Variants in ZNF37A observed in about 807,000 individuals in gnomAD.
ZNF37A encodes the protein zinc finger protein 37A, also known as zinc finger protein 37a (KOX 21).
ZNF37A carries 10 observed loss-of-function variants against 12.3 expected under a neutral mutation model. That is an observed-to-expected ratio of 0.82 (90% CI 0.50 to 1.38). The LOEUF is 1.38. ZNF37A is among the 40% of genes most tolerant of loss of function. ZNF37A has a pLI of 0.00. For missense variants in ZNF37A, 580 were observed against 651.2 expected, an observed-to-expected ratio of 0.89 and a Z score of 1.19; for synonymous variants, 207 against 223.0, an observed-to-expected ratio of 0.93 and a Z score of 0.64.
rs2069795016 is a variant in ZNF37A at position 38,122,925 on chromosome 10, A to G, written c.*4088A>G. Reference sequence around the variant, plus strand: ...TAATATTTGCAAACTATCCATCTGTATTAGGCCATTTTTGAAGTACTACAA... The same window carrying G: ...TAATATTTGCAAACTATCCATCTGTGTTAGGCCATTTTTGAAGTACTACAA... On this transcript the variant is annotated 3_prime_UTR_variant, in exon 8 of 8. Coordinates refer to ENST00000685332, the MANE Select transcript of ZNF37A (RefSeq NM_001324250.3). 6.6e-6 allele frequency: 1 copy of G among 152,224 alleles called. No individual in the cohort carries two copies. The highest frequency in any genetic ancestry group is 2.4e-5 in the African/African-American group (1 of 41,462). 9.4% of individuals were successfully genotyped at this position (152,224 alleles called of 1,614,324 possible). A position where few individuals can be genotyped will look rare whatever the true frequency, so the allele number is the denominator to read the frequency against.
Position 38,114,876 on chromosome 10 carries a change from C to A in ZNF37A, c.137C>A (p.Ser46Ter). ...VMLENYSHLV[S>*]VGYCIPKPEV... ...CTGGAGAACTACAGCCACCTTGTCT[C>A]AGTAGGTAGGTAGGAATTGTTTCCC... is the stretch of plus-strand genomic sequence containing the variant. Residue 46 changes from serine to a stop codon, truncating the protein, a stop_gained, in exon 6 of 8, where the codon TCA becomes TAA. Transcript: ENST00000685332. LOFTEE classifies it high-confidence loss of function. The A allele has an allele frequency of 6.2e-7, 1 of 1,610,678 alleles. No homozygotes were observed. The highest frequency in any genetic ancestry group is 8.5e-7 in the Non-Finnish European group (1 of 1,178,726).
intron 5 of ZNF37A, among the ~76,000 whole-genome samples, chr10:38,111,340 G>T (rs561806264): frequency 1.6e-4 from 25 of 152,136 alleles, no homozygotes; most frequent in African/African-American, 6.0e-4. Flanking sequence ...CAGGGGGTTG[G>T]GGGCTAGGGG....
At chr10:38,105,623 G>A (rs1397952219) in intron 5 of ZNF37A, among the ~76,000 whole-genome samples, 1 of 152,102 alleles carries the variant, frequency 6.6e-6, no homozygotes, top group South Asian at 2.1e-4. Flanking sequence ...ATTCATGAAG[G>A]CAGAGCTTCC....
At chr10:38,127,450 T>C (rs2069944362), downstream of ZNF37A, among the ~76,000 whole-genome samples, 1 of 152,200 alleles carries the variant, frequency 6.6e-6, no homozygotes, top group Admixed American at 6.5e-5. Context: ...ATGTATATAA[T>C]GTGTGTGATA....
chr10:38,106,204 G>A (rs553010807), intron 5 of ZNF37A, among the ~76,000 whole-genome samples: 10 of 151,408 alleles, frequency 6.6e-5, no homozygotes, highest in Non-Finnish European at 1.3e-4. Flanking sequence ...AGGCAAACAG[G>A]GTCTGGAGTG....
At chr10:38,114,720 A>G (rs752983437) in intron 5 of ZNF37A, 35 bp from the exon 6 acceptor site, 22 of 1,613,742 alleles carry the variant, frequency 1.4e-5, no homozygotes, top group Non-Finnish European at 1.8e-5. Context: ...ACTGATTCTT[A>G]TCACTTCAGA....
intron 7 of ZNF37A, among the ~76,000 whole-genome samples, chr10:38,132,771 C>T (rs2070047869): frequency 6.6e-6 from 1 of 151,452 alleles, no homozygotes; most frequent in African/African-American, 2.4e-5. Flanking sequence ...CCCATGGTAA[C>T]TCAATGTGCA....
intron 7 of ZNF37A, chr10:38,142,470 GA>G (rs1175886426): frequency 1.3e-5 from 2 of 152,036 alleles, no homozygotes; most frequent in Non-Finnish European, 2.9e-5. Flanking sequence ...TGTGAAAATA[GA>G]ACTTCTCATT....
chr10:38,103,878 T>G (rs901400154), intron 5 of ZNF37A, among the ~76,000 whole-genome samples: 3 of 152,242 alleles, frequency 2.0e-5, no homozygotes, highest in African/African-American at 7.2e-5. Context: ...TCTTCTGGTC[T>G]GTGCATATTG....
chr10:38,130,358 A>G (rs1026278830), downstream of ZNF37A, among the ~76,000 whole-genome samples: 5 of 152,150 alleles, frequency 3.3e-5, no homozygotes, highest in African/African-American at 1.2e-4. Flanking sequence ...ATGTCTGTTC[A>G]GATCTCTATT....
chr10:38,109,255 G>A (rs188733730), intron 5 of ZNF37A, among the ~76,000 whole-genome samples: 1 of 152,280 alleles, frequency 6.6e-6, no homozygotes, highest in Admixed American at 6.5e-5. Flanking sequence ...TATCTCAGTA[G>A]GTGCAGAAAA....
chr10:38,111,195 A>C (rs575020245), intron 5 of ZNF37A, among the ~76,000 whole-genome samples: 1 of 152,320 alleles, frequency 6.6e-6, no homozygotes, highest in South Asian at 2.1e-4. Context: ...GACATGGATG[A>C]AGCTGGAAAC....
At chr10:38,102,947 G>T (rs532843629) in intron 5 of ZNF37A, among the ~76,000 whole-genome samples, 1 of 152,152 alleles carries the variant, frequency 6.6e-6, no homozygotes, top group Non-Finnish European at 1.5e-5. Flanking sequence ...TTTGTACATG[G>T]TTAGTCCCTT....
intron 5 of ZNF37A, among the ~76,000 whole-genome samples, chr10:38,102,053 TC>T (rs2067634373): frequency 6.6e-6 from 1 of 152,054 alleles, no homozygotes; most frequent in Admixed American, 6.6e-5. Context: ...GCCAGGCTGG[TC>T]TCAAACTCCT....
Position 38,115,299 on chromosome 10 carries a change from G to A in ZNF37A, c.238+9G>A, listed in dbSNP as rs369299225. 12 of 1,612,170 alleles carry A rather than the reference G, an allele frequency of 7.4e-6. No homozygotes were observed. In the African/African-American group the frequency reaches 1.3e-4, roughly 18 times the overall value. ...AAGCCAGAGTCATCTGGGTGAGTTA[G>A]TATGTGCCAGATGGAATTTAAAGGA... On this transcript the variant is annotated intron_variant, in intron 7 of 7. Transcript: ENST00000685332.
At chr10:38,117,338 T>C in intron 7 of ZNF37A, 52 bp from the exon 8 acceptor site, 1 of 1,526,602 alleles carries the variant, frequency 6.6e-7, no homozygotes, top group Non-Finnish European at 8.7e-7. Flanking sequence ...GCTAAGTTTA[T>C]TTCTCTTACA....
Position 38,115,221 on chromosome 10 carries a change from A to AT in ZNF37A, c.171dup (p.Leu58SerfsTer26). The AT allele has an allele frequency of 7.4e-6, 12 of 1,613,828 alleles. No homozygotes were observed. Among genetic ancestry groups the AT allele is most frequent in the Non-Finnish European group, 1.0e-5 (12 of 1,179,960 alleles). On this transcript the variant is annotated frameshift_variant, in exon 7 of 8. Transcript: ENST00000685332. LOFTEE classifies it high-confidence loss of function. ...GTATTGCATTCCTAAACCAGAAGTG[A>AT]TTCTCAAGTTGGAGAAAGGCGAGGA...
chr10:38,101,040 TTTTG>T (rs1283557656), intron 5 of ZNF37A, among the ~76,000 whole-genome samples: 22 of 152,278 alleles, frequency 1.4e-4, no homozygotes, highest in Non-Finnish European at 1.5e-4. Flanking sequence ...AATCAGGTTA[TTTTG>T]TTTGTTTTGA....
In ZNF37A at chr10:38,123,301, C is replaced by A. The variant is rs976679596; in HGVS notation, c.*4464C>A. On this transcript the variant is annotated 3_prime_UTR_variant, in exon 8 of 8. Coordinates refer to ENST00000685332, the MANE Select transcript of ZNF37A (RefSeq NM_001324250.3). ...AACATATACACCTACTTTGTACCCA[C>A]AAAAATTTAAAAATAAAGTTAATTT... 4.6e-5 allele frequency: 7 copies of A among 151,554 alleles called. No individual in the cohort carries two copies. The highest frequency in any genetic ancestry group is 7.3e-5 in the African/African-American group (3 of 41,322). The allele number at this position is 151,554 out of a possible 1,614,324, so 9.4% of individuals were successfully genotyped here.
Sources: allele counts gnomAD v4.1 joint callset (sites outside exome capture counted in the v4.1 genomes callset), GRCh38; gene constraint gnomAD v4.1.1; transcripts MANE v1.5; gene names NCBI Gene and HGNC (gene_info 2026-07-23, HGNC 2026-07-21).